The following DAB1 variants were observed in gnomAD, a reference collection of about 807,000 sequenced individuals.
DAB1 encodes the protein DAB adaptor protein 1.
DAB1 carries 15 observed loss-of-function variants against 64.6 expected under a neutral mutation model. The observed-to-expected ratio is 0.23, with a 90% CI of 0.16 to 0.36. The LOEUF is 0.36. Among genes scored for constraint, DAB1 ranks in the 10% least tolerant of loss-of-function variants. The pLI, the probability that DAB1 is intolerant of heterozygous loss-of-function variation, is 1.00. For synonymous variants in DAB1, 235 were observed against 251.9 expected (o/e 0.93, Z 0.64); for missense variants, 596 against 706.7 (o/e 0.84, Z 1.78).
chr1:57,806,957 C>A (rs891763449), intron 6 of DAB1, among the ~76,000 whole-genome samples: 3 of 152,158 alleles, frequency 2.0e-5, no homozygotes, highest in African/African-American at 7.2e-5. Context: ...TTGCTGAATT[C>A]TTAGCACACC....
chr1:57,924,907 A>G (rs1644858516), intron 5 of DAB1, among the ~76,000 whole-genome samples: 1 of 152,174 alleles, frequency 6.6e-6, no homozygotes, highest in Non-Finnish European at 1.5e-5. Flanking sequence ...GTAAATGCCA[A>G]TAATTATTAT....
chr1:57,062,971 C>G (rs1295842846), intron 8 of DAB1, 28 bp from the exon 9 acceptor site: 2 of 1,599,086 alleles, frequency 1.3e-6, no homozygotes. Context: ...TCAGCACAGT[C>G]AAAACACTCT....
At chr1:57,152,997 A>G (rs1659840564) in intron 2 of DAB1, among the ~76,000 whole-genome samples, 1 of 151,970 alleles carries the variant, frequency 6.6e-6, no homozygotes, top group Non-Finnish European at 1.5e-5. Context: ...TAAATTACAT[A>G]CATGTACTAC....
At position 57,156,029 on chromosome 1, in the gene DAB1, T is replaced by C. The variant is rs553304789; in HGVS notation, c.68-10600A>G. On this transcript the variant is annotated intron_variant, in intron 2 of 14. Coordinates refer to ENST00000371236, the MANE Select transcript of DAB1 (RefSeq NM_001365792.1). ...TAAGAATCAACCATTTTGAATTTCA[T>C]AATGGATCATGGGGAACCCTGTAGG... Among the ~76,000 whole-genome samples the C allele has an allele frequency of 5.9e-5, 9 of 152,240 alleles. No individual in the cohort carries two copies. The East Asian group carries it at 1.7e-3, about 29-fold the overall frequency.
chr1:57,002,558 C>T (rs1336601875), intron 14 of DAB1, among the ~76,000 whole-genome samples: 1 of 152,172 alleles, frequency 6.6e-6, no homozygotes, highest in South Asian at 2.1e-4. Context: ...AAGGCTGAAA[C>T]CAGGCTAGAG....
chr1:57,885,885 A>G (rs1644214113), upstream of DAB1, among the ~76,000 whole-genome samples: 1 of 152,228 alleles, frequency 6.6e-6, no homozygotes, highest in South Asian at 2.1e-4. Context: ...TATGATGACT[A>G]AAACCAAAAT....
Position 57,020,435 on chromosome 1 carries a change from T to C in DAB1, c.895+3096A>G, listed in dbSNP as rs536572543. Among the ~76,000 whole-genome samples the C allele has an allele frequency of 2.8e-4, 43 of 152,116 alleles. 1 individual carries two copies. The highest frequency in any genetic ancestry group is 5.1e-4 in the Non-Finnish European group (35 of 68,014). On this transcript the variant is annotated intron_variant, in intron 11 of 14. Transcript: ENST00000371236. ...TATGATCATCCCCATTAAAACGGGGTAAGTTCCCTGAGGCTCAGAAGATAT... is the reference window on the plus strand; with the variant it reads ...TATGATCATCCCCATTAAAACGGGGCAAGTTCCCTGAGGCTCAGAAGATAT...
intron 5 of DAB1, among the ~76,000 whole-genome samples, chr1:58,071,864 A>G (rs929436163): frequency 1.3e-5 from 2 of 152,186 alleles, no homozygotes; most frequent in African/African-American, 4.8e-5. Flanking sequence ...CACTCTACAA[A>G]TATTTATAGA....
intron 7 of DAB1, among the ~76,000 whole-genome samples, chr1:57,587,759 A>AGACTT (rs1254001451): frequency 1.3e-5 from 2 of 152,342 alleles, no homozygotes; most frequent in African/African-American, 2.4e-5. Flanking sequence ...AGCAGTGAAG[A>AGACTT]GACTTGCCCA....
chr1:57,754,542 C>T (rs996585885), intron 6 of DAB1, among the ~76,000 whole-genome samples: 1 of 151,544 alleles, frequency 6.6e-6, no homozygotes, highest in African/African-American at 2.4e-5. Context: ...AAAAATTAGG[C>T]GGGCATGGTG....
In DAB1 at chr1:58,110,942, ACT is replaced by A. The variant is rs1651934150; in HGVS notation, n.387+39567_387+39568del. On this transcript the variant is annotated intron_variant and non_coding_transcript_variant, in intron 5 of 20. Transcript: ENST00000485760. ...TTTCTCACAGTGTGCAGTTTTTACAACTCTCTTTTCTTCATTAGGGTAAGAAT... is the reference window on the plus strand; with the variant it reads ...TTTCTCACAGTGTGCAGTTTTTACAACTCTTTTCTTCATTAGGGTAAGAAT... Among the ~76,000 whole-genome samples, 5 of 152,036 alleles carry A rather than the reference ACT, an allele frequency of 3.3e-5. 1 individual carries two copies. Among genetic ancestry groups the A allele is most frequent in the African/African-American group, 1.2e-4 (5 of 41,422 alleles).
At chr1:58,209,894 G>A (rs1189326009) in intron 4 of DAB1, among the ~76,000 whole-genome samples, 3 of 152,112 alleles carry the variant, frequency 2.0e-5, no homozygotes, top group Non-Finnish European at 4.4e-5. Context: ...TATAATGCAG[G>A]TGAATGTAAG....
chr1:58,177,476 T>C (rs577098301), intron 4 of DAB1, among the ~76,000 whole-genome samples: 29 of 152,344 alleles, frequency 1.9e-4, no homozygotes, highest in African/African-American at 7.0e-4. Context: ...TAGCTAAATA[T>C]TCAAGTGTTA....
chr1:57,708,327 G>A lies in DAB1; in HGVS notation n.552-58662C>T, dbSNP rs115292265. Among the ~76,000 whole-genome samples, 434 of 152,264 alleles carry A rather than the reference G, an allele frequency of 2.9e-3. 2 individuals carry two copies. Among genetic ancestry groups the A allele is most frequent in the Non-Finnish European group, 4.5e-3 (306 of 68,012 alleles). On this transcript the variant is annotated intron_variant and non_coding_transcript_variant, in intron 6 of 20. Transcript: ENST00000485760. ...GCTTTATTTTACTGTGGCTGGGCTA[G>A]TACCCAAGTTGTAAGACGTCGTTCT...
At chr1:57,794,678 GC>G (rs1650757387) in intron 6 of DAB1, among the ~76,000 whole-genome samples, 1 of 152,062 alleles carries the variant, frequency 6.6e-6, no homozygotes, top group African/African-American at 2.4e-5. Flanking sequence ...TCAAATTCCA[GC>G]CCCCTAGACT....
intron 1 of DAB1, chr1:57,863,063 G>A (rs188369274): frequency 1.3e-5 from 2 of 152,260 alleles, no homozygotes; most frequent in Admixed American, 1.3e-4. Flanking sequence ...ACTCACTATA[G>A]TATATCCATA....
chr1:58,347,067 GA>G (rs1644008546), intron 3 of DAB1, among the ~76,000 whole-genome samples: 1 of 148,946 alleles, frequency 6.7e-6, no homozygotes, highest in Non-Finnish European at 1.5e-5. Flanking sequence ...TAAAGCATAA[GA>G]AATGATTATG....
intron 5 of DAB1, among the ~76,000 whole-genome samples, chr1:58,045,935 ATTT>A (rs61118687): frequency 0.025 from 3,610 of 145,166 alleles, 115 homozygotes; most frequent in African/African-American, 0.083. Flanking sequence ...AAGATTATCA[ATTT>A]TTTTTTTTTT....
At chr1:57,913,734 A>G (rs1456352409) in intron 5 of DAB1, among the ~76,000 whole-genome samples, 1 of 151,066 alleles carries the variant, frequency 6.6e-6, no homozygotes, top group Non-Finnish European at 1.5e-5. Flanking sequence ...CAAAGAACTC[A>G]AACAAATTTA....
Sources: gnomAD v4.1 joint callset for allele counts (sites outside exome capture counted in the v4.1 genomes callset) on GRCh38, gnomAD v4.1.1 for gene constraint, MANE v1.5 for transcripts, NCBI Gene and HGNC (gene_info 2026-07-23, HGNC 2026-07-21) for gene names.